WWOX: variants seen among roughly 807,000 people sequenced by gnomAD.
WWOX encodes WW domain-containing oxidoreductase.
WWOX carries 69 observed loss-of-function variants against 46.2 expected under a neutral mutation model. The ratio of observed to expected loss-of-function variants is 1.49; its 90% confidence interval spans 1.23 to 1.82. The LOEUF (loss-of-function observed/expected upper bound fraction) is 1.82, where lower values mean the gene tolerates loss of function less well. Ranked by LOEUF, WWOX falls within the 40% of genes most tolerant of loss-of-function variation. The pLI, the probability that WWOX is intolerant of heterozygous loss-of-function variation, is 0.00. For synonymous variants in WWOX, 359 were observed against 202.6 expected, an observed-to-expected ratio of 1.77 and a Z score of -6.56; for missense variants, 919 against 542.6, an observed-to-expected ratio of 1.69 and a Z score of -6.89.
intron 8 of WWOX, among the ~76,000 whole-genome samples, chr16:78,774,616 C>G (rs1011739996): frequency 6.6e-6 from 1 of 152,024 alleles, no homozygotes; most frequent in Non-Finnish European, 1.5e-5. Flanking sequence ...TAGTTCCTGG[C>G]ACATGGCGTT....
intron 8 of WWOX, among the ~76,000 whole-genome samples, chr16:78,889,862 T>A (rs1290377251): frequency 3.3e-5 from 5 of 152,188 alleles, no homozygotes; most frequent in African/African-American, 4.8e-5. Context: ...CTGGAGAAAG[T>A]CCATAGTTTA....
chr16:78,219,908 CATT>C (rs1330380313), intron 5 of WWOX, among the ~76,000 whole-genome samples: 1 of 152,128 alleles, frequency 6.6e-6, no homozygotes, highest in African/African-American at 2.4e-5. Flanking sequence ...ACTTACCAAA[CATT>C]GTACGTTTTA....
intron 8 of WWOX, among the ~76,000 whole-genome samples, chr16:78,938,784 C>G (rs2045793936): frequency 6.6e-6 from 1 of 151,922 alleles, no homozygotes; most frequent in Admixed American, 6.6e-5. Flanking sequence ...CCCATTATAC[C>G]AGATAAAGTG....
At chr16:78,770,612 C>G (rs528862823) in intron 8 of WWOX, among the ~76,000 whole-genome samples, 2 of 152,318 alleles carry the variant, frequency 1.3e-5, no homozygotes, top group Admixed American at 6.5e-5. Flanking sequence ...CCAAGGAAGT[C>G]TCTGGAAATC....
chr16:78,540,964 G>C (rs536500278), intron 8 of WWOX, among the ~76,000 whole-genome samples: 2 of 152,138 alleles, frequency 1.3e-5, no homozygotes, highest in African/African-American at 4.8e-5. Flanking sequence ...GGGACCAATA[G>C]AGATTTCTCT....
At chr16:78,914,870 CTCCGCCTCAGA>C in intron 8 of WWOX, among the ~76,000 whole-genome samples, 1 of 126,604 alleles carries the variant, frequency 7.9e-6, no homozygotes, top group African/African-American at 3.2e-5. Flanking sequence ...CAGAGCGAGA[CTCCGCCTCAGA>C]AAAAAAAAAA....
chr16:78,698,514 C>G (rs1029760086), intron 8 of WWOX, among the ~76,000 whole-genome samples: 1 of 152,226 alleles, frequency 6.6e-6, no homozygotes, highest in African/African-American at 2.4e-5. Context: ...TTTTAGCAGT[C>G]GTTTTGAGGA....
chr16:78,491,445 G>T (rs916590802), intron 8 of WWOX, among the ~76,000 whole-genome samples: 1 of 152,154 alleles, frequency 6.6e-6, no homozygotes, highest in Non-Finnish European at 1.5e-5. Context: ...TTAAGCTCCA[G>T]TGGTACTCGA....
intron 4 of WWOX, among the ~76,000 whole-genome samples, chr16:78,154,459 C>G (rs1424065530): frequency 7.0e-6 from 1 of 141,932 alleles, no homozygotes; most frequent in Non-Finnish European, 1.5e-5. Context: ...GATTTATTTA[C>G]ACAGAGTTGC....
chr16:78,682,233 C>G (rs1054067469), intron 8 of WWOX, among the ~76,000 whole-genome samples: 2 of 152,182 alleles, frequency 1.3e-5, no homozygotes, highest in Admixed American at 1.3e-4. Context: ...ACCCACTATG[C>G]CACTCTTCTG....
At chr16:78,989,129 A>G (rs901055953) in intron 8 of WWOX, among the ~76,000 whole-genome samples, 3 of 152,084 alleles carry the variant, frequency 2.0e-5, no homozygotes, top group Non-Finnish European at 2.9e-5. Flanking sequence ...TTATCAGCAT[A>G]TTTAGAGTTC....
chr16:79,197,116 G>C (rs531492326), intron 8 of WWOX, among the ~76,000 whole-genome samples: 1 of 152,120 alleles, frequency 6.6e-6, no homozygotes, highest in Non-Finnish European at 1.5e-5. Flanking sequence ...TTAGGTTATA[G>C]GGACCAAGTT....
At chr16:78,691,301 T>C in intron 8 of WWOX, 1 of 701,734 alleles carries the variant, frequency 1.4e-6, no homozygotes, top group Non-Finnish European at 2.6e-6. Flanking sequence ...TGGTGAGTTC[T>C]TACCTTGTAA....
At chr16:78,241,642 G>A (rs1370048034) in intron 5 of WWOX, among the ~76,000 whole-genome samples, 1 of 152,140 alleles carries the variant, frequency 6.6e-6, no homozygotes, top group Non-Finnish European at 1.5e-5. Flanking sequence ...GTTTCAGCAT[G>A]TTGTCCAGGC....
At chr16:78,710,500 T>TATATATATATATATATA (rs1567507587) in intron 8 of WWOX, among the ~76,000 whole-genome samples, 46 of 68,548 alleles carry the variant, frequency 6.7e-4, no homozygotes, top group Non-Finnish European at 8.9e-4. Context: ...ATATATATAT[T>TATATATATATATATATA]TATATAAATA....
intron 8 of WWOX, among the ~76,000 whole-genome samples, chr16:79,056,846 T>C (rs982082160): frequency 2.6e-5 from 4 of 152,202 alleles, no homozygotes; most frequent in South Asian, 2.1e-4. Context: ...CAAATTGTCA[T>C]AGGAATAGTT....
intron 8 of WWOX, chr16:78,873,355 A>G (rs2044167777): frequency 6.6e-6 from 1 of 152,226 alleles, no homozygotes; most frequent in Admixed American, 6.5e-5. Flanking sequence ...ATCACCCTTC[A>G]AGTTGACTAT....
At chr16:78,796,492 G>C (rs929996673) in intron 8 of WWOX, among the ~76,000 whole-genome samples, 1 of 152,236 alleles carries the variant, frequency 6.6e-6, no homozygotes, top group Non-Finnish European at 1.5e-5. Context: ...AATGTAGTCT[G>C]GTGATGCCTC....
At chr16:79,072,281 C>T (rs1401979997) in intron 8 of WWOX, among the ~76,000 whole-genome samples, 1 of 151,978 alleles carries the variant, frequency 6.6e-6, no homozygotes, top group South Asian at 2.1e-4. Flanking sequence ...ATGAGACTGT[C>T]CCCCCAACCC....
Sources: allele counts gnomAD v4.1 joint callset (sites outside exome capture counted in the v4.1 genomes callset), GRCh38; gene constraint gnomAD v4.1.1; transcripts MANE v1.5; gene names NCBI Gene and HGNC (gene_info 2026-07-23, HGNC 2026-07-21).